Variants in MAK observed in about 807,000 individuals in gnomAD.
MAK encodes serine/threonine-protein kinase MAK.
In MAK, 65 loss-of-function variants were observed where a neutral mutation model predicts 82.6. The observed-to-expected ratio is 0.79, with a 90% confidence interval of 0.64 to 0.97. The LOEUF is 0.97. Ranked by LOEUF, MAK falls within the 50% of genes least tolerant of loss-of-function variation. The pLI is 0.00. For synonymous variants in MAK, 250 were observed against 274.2 expected, an observed-to-expected ratio of 0.91 and a Z score of 0.87; for missense variants, 703 against 780.2, an observed-to-expected ratio of 0.90 and a Z score of 1.18.
intron 10 of MAK, among the ~76,000 whole-genome samples, chr6:10,791,319 T>C (rs1199256453): frequency 2.0e-5 from 3 of 152,224 alleles, no homozygotes; most frequent in East Asian, 1.9e-4. Context: ...CAGGCTGGAA[T>C]GCAATGGCAC....
chr6:10,764,205 TGGC>T lies in MAK; in HGVS notation c.*244_*246del. 2.2e-6 allele frequency: 1 copy of T among 464,624 alleles called. No homozygotes were observed. The highest frequency in any genetic ancestry group is 3.2e-5 in the South Asian group (1 of 31,046). 28.8% of individuals were successfully genotyped at this position (464,624 alleles called of 1,614,324 possible). A position where few individuals can be genotyped will look rare whatever the true frequency, so the allele number is the denominator to read the frequency against. On this transcript the variant is annotated 3_prime_UTR_variant, in exon 15 of 15. Coordinates refer to ENST00000354489, the MANE Select transcript of MAK (RefSeq NM_001242957.3). ...ATTGTAGATCAAATACTTCATACTT[TGGC>T]AAATAGTTTATTCAATACTTTGTAA... is the stretch of plus-strand genomic sequence containing the variant.
At chr6:10,825,715 C>T (rs1778311445) in intron 2 of MAK, among the ~76,000 whole-genome samples, 1 of 152,188 alleles carries the variant, frequency 6.6e-6, no homozygotes, top group Non-Finnish European at 1.5e-5. Flanking sequence ...CAGGAGTTAG[C>T]CTGGACTCTT....
chr6:10,830,469 G>T, intron 2 of MAK, 79 bp downstream of exon 2: 2 of 1,201,690 alleles, frequency 1.7e-6, no homozygotes, highest in Non-Finnish European at 1.2e-6. Context: ...GGCCTGTGCT[G>T]GTATATATTC....
Position 10,803,910 on chromosome 6 carries a change from A to G in MAK, c.492-19T>C. ...ACGATACCTATGAAAATAGAGAACA[A>G]AAGAGGTAATTTTGATTGCAATTTC... On this transcript the variant is annotated intron_variant, in intron 6 of 14. Transcript: ENST00000354489. The G allele has an allele frequency of 6.2e-7, 1 of 1,611,348 alleles. No individual in the cohort carries two copies. The highest frequency in any genetic ancestry group is 8.5e-7 in the Non-Finnish European group (1 of 1,177,664).
intron 13 of MAK, among the ~76,000 whole-genome samples, chr6:10,771,534 G>A (rs1425844018): frequency 6.6e-6 from 1 of 152,200 alleles, no homozygotes; most frequent in African/African-American, 2.4e-5. Context: ...TCTAGAAGGC[G>A]AAATGGGGCT....
intron 11 of MAK, among the ~76,000 whole-genome samples, chr6:10,783,055 A>C (rs915631974): frequency 6.6e-6 from 1 of 152,158 alleles, no homozygotes; most frequent in African/African-American, 2.4e-5. Context: ...CAGGAGACTT[A>C]GATGTGAAAA....
At chr6:10,805,447 T>A (rs563084570) in intron 6 of MAK, among the ~76,000 whole-genome samples, 2 of 150,902 alleles carry the variant, frequency 1.3e-5, no homozygotes. Flanking sequence ...CTTAGCTGGG[T>A]GTAGTGGTGG....
intron 6 of MAK, among the ~76,000 whole-genome samples, chr6:10,807,406 A>C (rs1162025791): frequency 7.4e-6 from 1 of 135,332 alleles, no homozygotes; most frequent in East Asian, 2.1e-4. Flanking sequence ...TCAGTGGCGC[A>C]ATCTCGGCTC....
chr6:10,766,670 G>T (rs1334226267), intron 14 of MAK, among the ~76,000 whole-genome samples: 1 of 152,186 alleles, frequency 6.6e-6, no homozygotes, highest in Non-Finnish European at 1.5e-5. Flanking sequence ...GGTAGCAGGG[G>T]TAGAAGAGAC....
At chr6:10,792,882 T>C (rs1441971377) in intron 9 of MAK, among the ~76,000 whole-genome samples, 1 of 152,110 alleles carries the variant, frequency 6.6e-6, no homozygotes. Flanking sequence ...ATAAAAAAAA[T>C]GTTAAGCTCC....
chr6:10,803,927 T>A (rs751429596), intron 6 of MAK, 36 bp from the exon 7 acceptor site: 10 of 1,594,346 alleles, frequency 6.3e-6, no homozygotes, highest in Non-Finnish European at 8.6e-6. Flanking sequence ...TAATTTTGAT[T>A]GCAATTTCAA....
chr6:10,794,994 A>AAATAAT (rs61082229), intron 9 of MAK, among the ~76,000 whole-genome samples: 4,023 of 150,462 alleles, frequency 0.027, 164 homozygotes, highest in African/African-American at 0.092. Context: ...CTCTGTCTCA[A>AAATAAT]AATAATAATA....
chr6:10,775,507 C>T, intron 11 of MAK, 48 bp from the exon 12 acceptor site: 1 of 1,598,102 alleles, frequency 6.3e-7, no homozygotes, highest in Non-Finnish European at 8.6e-7. Context: ...AGATCATAAA[C>T]TTAAAGGAAA....
At chr6:10,765,978 G>A (rs1270487010) in intron 14 of MAK, among the ~76,000 whole-genome samples, 1 of 152,182 alleles carries the variant, frequency 6.6e-6, no homozygotes, top group Admixed American at 6.5e-5. Flanking sequence ...ACATTTCAAA[G>A]GACAAAGCAG....
chr6:10,797,698 G>T, intron 8 of MAK: 1 of 1,107,504 alleles, frequency 9.0e-7, no homozygotes. Flanking sequence ...CCTGCCTTTA[G>T]CCAGTCCCCA....
At chr6:10,771,864 T>C (rs1247846487) in intron 13 of MAK, among the ~76,000 whole-genome samples, 2 of 152,348 alleles carry the variant, frequency 1.3e-5, no homozygotes, top group East Asian at 3.9e-4. Context: ...AGTTCTTTAC[T>C]TCAGAAAAAT....
At chr6:10,773,158 T>C (rs1554164966) in intron 12 of MAK, 50 bp from the exon 13 acceptor site, 1 of 1,068,832 alleles carries the variant, frequency 9.4e-7, no homozygotes. Flanking sequence ...GAGAATGTTA[T>C]AGGAAAAGCA....
At chr6:10,815,912 G>GTATAGATATA (rs1554184485) in intron 4 of MAK, among the ~76,000 whole-genome samples, 1 of 108,322 alleles carries the variant, frequency 9.2e-6, no homozygotes, top group Admixed American at 9.6e-5. Context: ...GCTTTATACA[G>GTATAGATATA]TATATATATA....
At chr6:10,788,507 G>A (rs999521347) in intron 10 of MAK, among the ~76,000 whole-genome samples, 25 of 152,160 alleles carry the variant, frequency 1.6e-4, no homozygotes, top group African/African-American at 4.8e-4. Flanking sequence ...CGAGGCAGGT[G>A]GATCACCTGA....
Sources: gnomAD v4.1 joint callset for allele counts (sites outside exome capture counted in the v4.1 genomes callset) on GRCh38, gnomAD v4.1.1 for gene constraint, MANE v1.5 for transcripts, NCBI Gene and HGNC (gene_info 2026-07-23, HGNC 2026-07-21) for gene names.